SUPT3H: variants seen among roughly 807,000 people sequenced by gnomAD.
The protein encoded by SUPT3H is SPT3 homolog, SAGA and STAGA complex component.
In SUPT3H, 44 loss-of-function variants were observed where a neutral mutation model predicts 44.3. The ratio of observed to expected loss-of-function variants is 0.99; its 90% CI spans 0.78 to 1.28. The LOEUF is 1.28. SUPT3H is among the 50% of genes most tolerant of loss of function. The pLI is 0.00. For synonymous variants in SUPT3H, 124 were observed against 125.6 expected (o/e 0.99, Z 0.09); for missense variants, 380 against 387.1 (o/e 0.98, Z 0.15).
rs140397205 is a variant in SUPT3H at position 45,062,680 on chromosome 6, G to C, written c.187-42048C>G. 5.3e-3 allele frequency among the ~76,000 whole-genome samples: 806 copies of C among 152,270 alleles called. 4 individuals are homozygous for C. Among genetic ancestry groups the C allele is most frequent in the African/African-American group, 0.018 (749 of 41,534 alleles). On this transcript the variant is annotated intron_variant, in intron 3 of 10. Coordinates refer to ENST00000371459, the MANE Select transcript of SUPT3H (RefSeq NM_003599.4). ...CGAGGGGTCAGGAAGTTCCCTTTCC[G>C]AGTCAAAGAAAGGGGTGACGGACGC...
chr6:45,232,986 A>G (rs1768351417), intron 2 of SUPT3H, among the ~76,000 whole-genome samples: 1 of 152,160 alleles, frequency 6.6e-6, no homozygotes, highest in African/African-American at 2.4e-5. Flanking sequence ...ACACAGTGAT[A>G]ACTCTTACGG....
intron 2 of SUPT3H, among the ~76,000 whole-genome samples, chr6:45,230,686 A>ATATATATATATATATT (rs796866510): frequency 1.5e-4 from 17 of 116,806 alleles, no homozygotes; most frequent in Middle Eastern, 4.5e-3. Context: ...ATATATATAT[A>ATATATATATATATATT]TTTTTGAGAT....
chr6:44,994,440 A>C (rs1042715989), intron 6 of SUPT3H, among the ~76,000 whole-genome samples: 22 of 152,240 alleles, frequency 1.4e-4, no homozygotes, highest in African/African-American at 5.3e-4. Context: ...AATGTTAAAG[A>C]CCTTTACACT....
intron 2 of SUPT3H, among the ~76,000 whole-genome samples, chr6:45,232,571 G>A (rs987171922): frequency 6.6e-6 from 1 of 152,170 alleles, no homozygotes; most frequent in Non-Finnish European, 1.5e-5. Flanking sequence ...AGTGGAATCA[G>A]TGGATTGAGC....
chr6:45,271,976 A>G (rs1776263973), intron 2 of SUPT3H, among the ~76,000 whole-genome samples: 1 of 152,212 alleles, frequency 6.6e-6, no homozygotes, highest in East Asian at 1.9e-4. Flanking sequence ...AGACTTGCAC[A>G]GGGCCTGTAG....
chr6:44,857,112 AATAGTAT>A (rs138537800), intron 10 of SUPT3H, among the ~76,000 whole-genome samples: 7,174 of 152,276 alleles, frequency 0.047, 238 homozygotes, highest in South Asian at 0.13. Context: ...TCAGATTTTC[AATAGTAT>A]ATTAATTGGT....
At chr6:45,038,249 C>T (rs887559186) in intron 3 of SUPT3H, among the ~76,000 whole-genome samples, 2 of 152,180 alleles carry the variant, frequency 1.3e-5, no homozygotes, top group Non-Finnish European at 2.9e-5. Flanking sequence ...AGAGAAACTG[C>T]TAGCTGGCTT....
intron 2 of SUPT3H, among the ~76,000 whole-genome samples, chr6:45,143,827 G>T (rs1469506138): frequency 6.6e-6 from 1 of 151,812 alleles, no homozygotes; most frequent in African/African-American, 2.4e-5. Context: ...GAAGAGAGAA[G>T]ATCCAAATAA....
At chr6:45,144,638 TG>T (rs1381581719) in intron 2 of SUPT3H, among the ~76,000 whole-genome samples, 1 of 152,034 alleles carries the variant, frequency 6.6e-6, no homozygotes, top group African/African-American at 2.4e-5. Flanking sequence ...AACATAGTGC[TG>T]GAAGTCCTAG....
chr6:45,027,943 C>A (rs529482486), intron 3 of SUPT3H, among the ~76,000 whole-genome samples: 1 of 152,144 alleles, frequency 6.6e-6, no homozygotes, highest in African/African-American at 2.4e-5. Context: ...TTCCCCTAGT[C>A]TGAGAAACTT....
chr6:45,207,735 C>G (rs192531301), intron 2 of SUPT3H, among the ~76,000 whole-genome samples: 1 of 152,200 alleles, frequency 6.6e-6, no homozygotes, highest in Non-Finnish European at 1.5e-5. Context: ...TTTGGGGGCA[C>G]CAAGAACCAG....
At chr6:45,145,383 T>C (rs2153592519) in intron 2 of SUPT3H, among the ~76,000 whole-genome samples, 1 of 152,156 alleles carries the variant, frequency 6.6e-6, no homozygotes, top group South Asian at 2.1e-4. Flanking sequence ...AGCCAACTGA[T>C]CTTCGACAAT....
At chr6:45,130,210 C>T (rs141438895) in intron 2 of SUPT3H, among the ~76,000 whole-genome samples, 56 of 152,262 alleles carry the variant, frequency 3.7e-4, no homozygotes, top group African/African-American at 1.3e-3. Context: ...TCTTCCCTGC[C>T]TCAGGCAACT....
At chr6:45,258,505 T>C (rs1044357937) in intron 2 of SUPT3H, among the ~76,000 whole-genome samples, 13 of 152,298 alleles carry the variant, frequency 8.5e-5, no homozygotes, top group African/African-American at 3.1e-4. Flanking sequence ...TTGTTTTCAC[T>C]TTTTACACCA....
At chr6:44,899,218 T>C (rs1764580996) in intron 10 of SUPT3H, 1 of 152,232 alleles carries the variant, frequency 6.6e-6, no homozygotes, top group Admixed American at 6.5e-5. Context: ...ACAATTGCCA[T>C]CTTTACAATA....
intron 2 of SUPT3H, among the ~76,000 whole-genome samples, chr6:45,175,448 T>C (rs1208005045): frequency 6.6e-6 from 1 of 152,120 alleles, no homozygotes; most frequent in East Asian, 1.9e-4. Context: ...TGGGGGAAAC[T>C]GCCCCCATGA....
chr6:45,225,990 T>C (rs556866735), intron 2 of SUPT3H, among the ~76,000 whole-genome samples: 20 of 152,212 alleles, frequency 1.3e-4, no homozygotes, highest in Admixed American at 9.8e-4. Flanking sequence ...GAAAAAAAAT[T>C]AACCTAAACA....
chr6:45,050,878 ATT>A (rs35575281), intron 3 of SUPT3H, among the ~76,000 whole-genome samples: 304 of 86,152 alleles, frequency 3.5e-3, no homozygotes, highest in African/African-American at 0.01. Context: ...AGGGTATGGG[ATT>A]TTTTTTTTTT....
downstream of SUPT3H, among the ~76,000 whole-genome samples, chr6:44,824,746 T>G (rs752267184): frequency 6.6e-6 from 1 of 152,154 alleles, no homozygotes; most frequent in Non-Finnish European, 1.5e-5. Context: ...TCTCTCTCTC[T>G]GTAAAACAAA....
Sources: allele counts gnomAD v4.1 joint callset (sites outside exome capture counted in the v4.1 genomes callset), GRCh38; gene constraint gnomAD v4.1.1; transcripts MANE v1.5; gene names NCBI Gene and HGNC (gene_info 2026-07-23, HGNC 2026-07-21).